Variants in AFF4 observed in about 807,000 individuals in gnomAD.
AFF4 encodes AF4/FMR2 family member 4.
Under a neutral mutation model 124.8 loss-of-function variants are expected in AFF4, and 13 were observed. The ratio of observed to expected loss-of-function variants is 0.10; its 90% CI spans 0.07 to 0.17. The LOEUF (loss-of-function observed/expected upper bound fraction) is 0.17, where lower values mean the gene tolerates loss of function less well. Ranked by LOEUF, AFF4 falls within the 10% of genes least tolerant of loss-of-function variation. The probability of loss-of-function intolerance (pLI) is 1.00; values close to 1 mark genes in which losing one functional copy is unlikely to be tolerated. For missense variants in AFF4, 1,092 were observed against 1,403.8 expected (o/e 0.78, Z 3.55); for synonymous variants, 477 against 496.1 (o/e 0.96, Z 0.51).
At chr5:132,904,297 G>A in intron 6 of AFF4, 71 bp downstream of exon 6, 1 of 1,296,656 alleles carries the variant, frequency 7.7e-7, no homozygotes, top group Non-Finnish European at 1.1e-6. Flanking sequence ...AGTTATATAT[G>A]GTGTGACCAT....
chr5:132,947,970 T>A (rs752193774), intron 1 of AFF4, among the ~76,000 whole-genome samples: 2 of 152,240 alleles, frequency 1.3e-5, no homozygotes, highest in Non-Finnish European at 2.9e-5. Flanking sequence ...TTTTGCTTTC[T>A]TCATCACATC....
chr5:132,954,546 C>T (rs865898501), intron 1 of AFF4, among the ~76,000 whole-genome samples: 7 of 122,128 alleles, frequency 5.7e-5, no homozygotes, highest in East Asian at 4.9e-4. Flanking sequence ...AAACAATGCT[C>T]TTTTTTTTTT....
At chr5:132,926,825 G>GC (rs1474201436) in intron 5 of AFF4, 1 of 218,836 alleles carries the variant, frequency 4.6e-6, no homozygotes, top group African/African-American at 2.4e-5. Flanking sequence ...CTTCCAAAGT[G>GC]CTGGGATTAC....
Position 132,902,470 on chromosome 5 carries a change from TAGA to T in AFF4, c.1102_1104del (p.Ser368del). ...TTAGACTGGTGCCCATTTGAAGTTTTAGAAGGATTATATCTTTCTGGAACAAAA... is the reference window on the plus strand; with the variant it reads ...TTAGACTGGTGCCCATTTGAAGTTTTAGGATTATATCTTTCTGGAACAAAA... On this transcript the variant is annotated inframe_deletion, in exon 7 of 21. Coordinates refer to ENST00000265343, the MANE Select transcript of AFF4 (RefSeq NM_014423.4). The T allele has an allele frequency of 6.2e-7, 1 of 1,608,698 alleles. No individual in the cohort carries two copies.
At chr5:132,908,342 G>A (rs1159884711) in intron 5 of AFF4, among the ~76,000 whole-genome samples, 2 of 151,994 alleles carry the variant, frequency 1.3e-5, no homozygotes, top group African/African-American at 4.8e-5. Flanking sequence ...AAGGTATGAC[G>A]CTAAGATGGA....
intron 5 of AFF4, among the ~76,000 whole-genome samples, chr5:132,912,150 C>T (rs1300584593): frequency 5.1e-5 from 7 of 136,022 alleles, no homozygotes; most frequent in Non-Finnish European, 1.1e-4. Flanking sequence ...GTCAGGAGTT[C>T]GAGATTGTCT....
rs760605536 is a variant in AFF4 at position 132,896,857 on chromosome 5, G to A, written c.1773C>T (p.Asp591=). The A allele has an allele frequency of 9.3e-6, 15 of 1,614,034 alleles. No individual in the cohort carries two copies. The highest frequency in any genetic ancestry group is 5.9e-6 in the Non-Finnish European group (7 of 1,179,994). The change falls in exon 11 of 21, where the codon GAC becomes GAT. Residue 591 remains aspartate (D), a synonymous_variant. Transcript: ENST00000265343. ...TGCTGGAGGGCATGCTGCTAGCCAA[G>A]TCTACAGGGGTTTCACTTTCTATCT... is the stretch of plus-strand genomic sequence containing the variant. ...GLKIESETPV[D]LASSMPSSRH... is the part of the protein sequence containing the mutation.
intron 5 of AFF4, among the ~76,000 whole-genome samples, chr5:132,906,917 T>C (rs943677994): frequency 6.6e-6 from 1 of 152,126 alleles, no homozygotes; most frequent in Non-Finnish European, 1.5e-5. Context: ...CTGGGCAACA[T>C]ACCAAGATCC....
At chr5:132,932,437 T>C (rs1761322732) in intron 3 of AFF4, among the ~76,000 whole-genome samples, 2 of 152,184 alleles carry the variant, frequency 1.3e-5, no homozygotes, top group Admixed American at 1.3e-4. Flanking sequence ...AACTTTATAG[T>C]TTTCAAAGGT....
Position 132,963,264 on chromosome 5 carries a change from G to A in AFF4, c.-10C>T. The A allele has an allele frequency of 2.5e-6, 1 of 394,038 alleles. No individual in the cohort carries two copies. The highest frequency in any genetic ancestry group is 4.5e-6 in the Non-Finnish European group (1 of 223,446). 24.4% of individuals were successfully genotyped at this position (394,038 alleles called of 1,614,324 possible). A position where few individuals can be genotyped will look rare whatever the true frequency, so the allele number is the denominator to read the frequency against. ...AGTCTGTCGGCCCTTCTTACCTCCA[G>A]TCCCGGCTCCGCTAGGCCCGAACCA... On this transcript the variant is annotated 5_prime_UTR_variant, in exon 1 of 21. Transcript: ENST00000265343.
intron 1 of AFF4, among the ~76,000 whole-genome samples, chr5:132,952,560 G>T (rs1397505744): frequency 1.3e-5 from 2 of 152,052 alleles, no homozygotes; most frequent in African/African-American, 4.8e-5. Context: ...TCTTATTCTC[G>T]TTCATTTTAT....
chr5:132,957,019 C>CAAAAAAAA (rs1180577709), intron 1 of AFF4, among the ~76,000 whole-genome samples: 12 of 40,802 alleles, frequency 2.9e-4, no homozygotes, highest in African/African-American at 4.8e-4. Flanking sequence ...GACTTCGTCT[C>CAAAAAAAA]AAAAAAAAAA....
chr5:132,905,664 C>G (rs1581288518), intron 5 of AFF4, among the ~76,000 whole-genome samples: 1 of 151,720 alleles, frequency 6.6e-6, no homozygotes, highest in Non-Finnish European at 1.5e-5. Flanking sequence ...CAAAACAAAA[C>G]AAAACAAAAA....
At position 132,913,234 on chromosome 5, in the gene AFF4, G is replaced by A. The variant is rs536309521; in HGVS notation, c.1051-8830C>T. 1.5e-3 allele frequency among the ~76,000 whole-genome samples: 230 copies of A among 152,196 alleles called. 1 individual carries two copies. Among genetic ancestry groups the A allele is most frequent in the African/African-American group, 5.3e-3 (219 of 41,524 alleles). On this transcript the variant is annotated intron_variant, in intron 5 of 20. Coordinates refer to ENST00000265343, the MANE Select transcript of AFF4 (RefSeq NM_014423.4). ...GTAATAAAGACTCAACTCATTAAGA[G>A]GTAACAATCCTAAATGTTTATGCAC... is the stretch of plus-strand genomic sequence containing the variant.
intron 11 of AFF4, 39 bp from the exon 12 acceptor site, chr5:132,893,157 A>G (rs1277663707): frequency 6.4e-7 from 1 of 1,563,602 alleles, no homozygotes; most frequent in Non-Finnish European, 8.8e-7. Flanking sequence ...ATTTTTATTC[A>G]ACTAACTTCA....
chr5:132,899,283 C>T, intron 8 of AFF4, 142 bp from the exon 9 acceptor site: 2 of 757,894 alleles, frequency 2.6e-6, no homozygotes, highest in South Asian at 2.2e-5. Flanking sequence ...ACTGTTTTTA[C>T]CTGAAGAGTA....
chr5:132,914,772 C>T (rs1009790166), intron 5 of AFF4, among the ~76,000 whole-genome samples: 4 of 151,816 alleles, frequency 2.6e-5, no homozygotes, highest in Admixed American at 1.3e-4. Flanking sequence ...AACAAATTAC[C>T]GGAATAGGGA....
At chr5:132,923,676 G>A (rs905949320) in intron 5 of AFF4, among the ~76,000 whole-genome samples, 1 of 152,114 alleles carries the variant, frequency 6.6e-6, no homozygotes, top group Non-Finnish European at 1.5e-5. Context: ...TGAGCTATAT[G>A]ATCACACCAC....
intron 1 of AFF4, among the ~76,000 whole-genome samples, chr5:132,961,181 A>AT (rs1191705986): frequency 6.6e-6 from 1 of 152,010 alleles, no homozygotes; most frequent in East Asian, 2.0e-4. Context: ...GCAGAGATGG[A>AT]GCCACTGCAT....
Sources: allele counts gnomAD v4.1 joint callset (sites outside exome capture counted in the v4.1 genomes callset), GRCh38; gene constraint gnomAD v4.1.1; transcripts MANE v1.5; gene names NCBI Gene and HGNC (gene_info 2026-07-23, HGNC 2026-07-21).